Variants in MORF4L1 observed in about 807,000 individuals in gnomAD.
The protein encoded by MORF4L1 is mortality factor 4 like 1.
A neutral mutation model predicts 52.9 loss-of-function variants in MORF4L1; 4 were observed. The observed-to-expected ratio is 0.08, with a 90% CI of 0.04 to 0.17. The LOEUF is 0.17. Among genes scored for constraint, MORF4L1 ranks in the 10% least tolerant of loss-of-function variants. The pLI, the probability that MORF4L1 is intolerant of heterozygous loss-of-function variation, is 1.00. For synonymous variants in MORF4L1, 123 were observed against 134.8 expected (o/e 0.91, Z 0.61); for missense variants, 214 against 390.4 (o/e 0.55, Z 3.81).
At chr15:78,876,963 G>A (rs2056504764) in intron 1 of MORF4L1, among the ~76,000 whole-genome samples, 1 of 151,506 alleles carries the variant, frequency 6.6e-6, no homozygotes, top group African/African-American at 2.4e-5. Flanking sequence ...TTTTTGAGGC[G>A]GAGTCTTGCT....
chr15:78,890,876 T>C (rs559255094), intron 5 of MORF4L1, 113 bp from the exon 6 acceptor site: 8 of 1,049,238 alleles, frequency 7.6e-6, no homozygotes, highest in Non-Finnish European at 1.0e-5. Context: ...ATTTACCACC[T>C]GATCCTTTAT....
chr15:78,892,343 G>A, intron 8 of MORF4L1, 30 bp downstream of exon 8: 1 of 1,501,958 alleles, frequency 6.7e-7, no homozygotes, highest in Non-Finnish European at 9.2e-7. Context: ...AGATTGTTAA[G>A]CTATATGATA....
chr15:78,876,553 T>G (rs2056495919), intron 1 of MORF4L1: 1 of 455,918 alleles, frequency 2.2e-6, no homozygotes, highest in African/African-American at 2.0e-5. Context: ...GTGCACTTTT[T>G]TTTCCGGCAG....
chr15:78,896,517 C>T (rs2056892896), intron 11 of MORF4L1, among the ~76,000 whole-genome samples: 1 of 151,966 alleles, frequency 6.6e-6, no homozygotes, highest in Admixed American at 6.6e-5. Flanking sequence ...CCACTTTGGT[C>T]AGGCTGGTCT....
intron 5 of MORF4L1, among the ~76,000 whole-genome samples, chr15:78,887,924 G>A (rs913528217): frequency 2.0e-5 from 3 of 152,228 alleles, no homozygotes; most frequent in African/African-American, 7.2e-5. Context: ...GATTACAGGC[G>A]TGTGCCACCA....
At chr15:78,873,986 A>C (rs971149923) in intron 1 of MORF4L1, 2 of 152,256 alleles carry the variant, frequency 1.3e-5, no homozygotes, top group African/African-American at 4.8e-5. Flanking sequence ...GCAGTGTTTA[A>C]CAATGACTTG....
chr15:78,879,145 A>G (rs963509059), intron 2 of MORF4L1, among the ~76,000 whole-genome samples: 16 of 152,142 alleles, frequency 1.1e-4, no homozygotes, highest in Admixed American at 7.9e-4. Context: ...CTGAGGCTAG[A>G]GGATTGCTTG....
chr15:78,875,436 C>T (rs2056467045), intron 1 of MORF4L1, among the ~76,000 whole-genome samples: 1 of 152,160 alleles, frequency 6.6e-6, no homozygotes, highest in Non-Finnish European at 1.5e-5. Flanking sequence ...GTGTTTTGTA[C>T]TTGTGTTTAA....
intron 3 of MORF4L1, among the ~76,000 whole-genome samples, chr15:78,881,114 A>G (rs1447560816): frequency 2.1e-5 from 3 of 144,344 alleles, no homozygotes; most frequent in African/African-American, 7.6e-5. Flanking sequence ...ACTTCATGTG[A>G]CTCACTTTTT....
rs768792333 is a variant in MORF4L1 at position 78,891,601 on chromosome 15, A to G, written c.438+29A>G. ...AGTTTTTCTTGTGTTTATGAATAGC[A>G]TGTTAGGATTTTTAGTCTCAGTTAC... On this transcript the variant is annotated intron_variant, in intron 7 of 11. Transcript: ENST00000426013. 24 of 1,539,594 alleles carry G rather than the reference A, an allele frequency of 1.6e-5. No individual in the cohort carries two copies. The South Asian group carries it at 2.4e-4, about 15-fold the overall frequency.
chr15:78,884,659 ATACACACACACACAC>A (rs1397679776), intron 3 of MORF4L1, among the ~76,000 whole-genome samples: 14 of 62,242 alleles, frequency 2.2e-4, no homozygotes, highest in South Asian at 4.7e-4. Context: ...AAAAAAAAAA[ATACACACACACACAC>A]ACACACACAC....
intron 7 of MORF4L1, 134 bp downstream of exon 7, chr15:78,891,706 TG>T (rs934745794): frequency 9.0e-6 from 6 of 669,556 alleles, no homozygotes; most frequent in African/African-American, 1.8e-5. Flanking sequence ...TTTTCTCTTT[TG>T]GGGGTAAAGG....
chr15:78,893,660 A>G, intron 9 of MORF4L1, 33 bp downstream of exon 9: 6 of 1,407,182 alleles, frequency 4.3e-6, no homozygotes, highest in Non-Finnish European at 5.9e-6. Flanking sequence ...TGACACTCAA[A>G]AGACATTTAA....
rs1596246333 is a variant in MORF4L1, at chr15:78,886,000, T to C, written c.156-141T>C. ...TTTTACAGAACAGACTTCCATTAGATCTTCATTTTAGTTGAGAATATATTT... is the reference window on the plus strand; with the variant it reads ...TTTTACAGAACAGACTTCCATTAGACCTTCATTTTAGTTGAGAATATATTT... On this transcript the variant is annotated intron_variant, in intron 3 of 11. Transcript: ENST00000426013. 15 of 645,550 alleles carry C rather than the reference T, an allele frequency of 2.3e-5. No individual in the cohort carries two copies. In the East Asian group the frequency reaches 4.1e-4, roughly 18 times the overall value. The allele number at this position is 645,550 out of a possible 1,614,324, so 40.0% of individuals were successfully genotyped here.
At chr15:78,882,142 T>C (rs1274156807) in intron 3 of MORF4L1, among the ~76,000 whole-genome samples, 1 of 152,202 alleles carries the variant, frequency 6.6e-6, no homozygotes, top group Non-Finnish European at 1.5e-5. Flanking sequence ...GGTATTTTTT[T>C]CCCAGTTAAT....
Position 78,884,660 on chromosome 15 carries a change from T to TACAC in MORF4L1, c.156-1457_156-1454dup, listed in dbSNP as rs67970418. On this transcript the variant is annotated intron_variant, in intron 3 of 11. Coordinates refer to ENST00000426013, the MANE Select transcript of MORF4L1 (RefSeq NM_006791.4). ...GTCTCAAAAAAAAAAAAAAAAAAAA[T>TACAC]ACACACACACACACACACACACACA... Among the ~76,000 whole-genome samples, 48 of 130,710 alleles carry TACAC rather than the reference T, an allele frequency of 3.7e-4. 1 individual carries two copies. Among genetic ancestry groups the TACAC allele is most frequent in the African/African-American group, 1.3e-3 (46 of 34,078 alleles). The allele number at this position is 130,710 out of a possible 152,430, so 85.8% of individuals were successfully genotyped here. A position where few individuals can be genotyped will look rare whatever the true frequency, so the allele number is the denominator to read the frequency against.
chr15:78,892,281 G>A lies in MORF4L1; in HGVS notation c.508G>A (p.Asp170Asn), dbSNP rs2056814547. 1 of 1,613,728 alleles carries A rather than the reference G, an allele frequency of 6.2e-7. No individual in the cohort carries two copies. Among genetic ancestry groups the A allele is most frequent in the Non-Finnish European group, 8.5e-7 (1 of 1,179,730 alleles). ...TGAAGAGCTAAAACCGTGGCTTGTT[G>A]ATGACTGGGACTTAATTACCAGGCA... ...IPEELKPWLV[D>N]DWDLITRQKQ... is the part of the protein sequence containing the mutation. Residue 170 changes from aspartate (D) to asparagine (N), a missense_variant, in exon 8 of 12, where the codon GAT becomes AAT. Physicochemically the swap from Asp to Asn is conservative, Grantham distance 23 (BLOSUM62 1). Coordinates refer to ENST00000426013, the MANE Select transcript of MORF4L1 (RefSeq NM_006791.4).
At chr15:78,892,014 A>G (rs2056809540) in intron 7 of MORF4L1, among the ~76,000 whole-genome samples, 198 bp from the exon 8 acceptor site, 1 of 152,186 alleles carries the variant, frequency 6.6e-6, no homozygotes, top group African/African-American at 2.4e-5. Context: ...AATAGACTAT[A>G]GTTCAGGTCA....
chr15:78,884,949 C>A lies in MORF4L1; in HGVS notation c.156-1192C>A, dbSNP rs753290843. 3 of 1,587,698 alleles carry A rather than the reference C, an allele frequency of 1.9e-6. No individual in the cohort carries two copies. In the South Asian group the frequency reaches 3.4e-5, roughly 18 times the overall value. ...ACCTGGTCACTGAGATTACTTTGTA[C>A]TATGCTGTCTGTATCAGAAGTGCTG... On this transcript the variant is annotated intron_variant, in intron 3 of 11. Coordinates refer to ENST00000426013, the MANE Select transcript of MORF4L1 (RefSeq NM_006791.4).
Sources: gnomAD v4.1 joint callset for allele counts (sites outside exome capture counted in the v4.1 genomes callset) on GRCh38, gnomAD v4.1.1 for gene constraint, MANE v1.5 for transcripts, NCBI Gene and HGNC (gene_info 2026-07-23, HGNC 2026-07-21) for gene names.